Variants in TSHZ3 observed in about 807,000 individuals in gnomAD.
The protein encoded by TSHZ3 is teashirt homolog 3.
In TSHZ3, 10 loss-of-function variants were observed where a neutral mutation model predicts 64.5. The observed-to-expected ratio is 0.16, with a 90% CI of 0.10 to 0.26. TSHZ3 has a LOEUF of 0.26. TSHZ3 is among the 10% of genes least tolerant of loss of function. The probability of loss-of-function intolerance (pLI) is 1.00; values close to 1 mark genes in which losing one functional copy is unlikely to be tolerated. For synonymous variants in TSHZ3, 608 were observed against 593.1 expected, an observed-to-expected ratio of 1.03 and a Z score of -0.36; for missense variants, 1,242 against 1,421.7, an observed-to-expected ratio of 0.87 and a Z score of 2.03.
chr19:31,297,749 G>A (rs143648378), intron 1 of TSHZ3, among the ~76,000 whole-genome samples: 81 of 152,304 alleles, frequency 5.3e-4, no homozygotes, highest in Admixed American at 1.0e-3. Context: ...ATGAGGTGAT[G>A]CACTTGGCCT....
rs746155760 is a variant in TSHZ3 at position 31,279,041 on chromosome 19, G to A, written c.752C>T (p.Pro251Leu). The A allele has an allele frequency of 6.2e-7, 1 of 1,614,092 alleles. No individual in the cohort carries two copies. The highest frequency in any genetic ancestry group is 1.7e-5 in the Admixed American group (1 of 60,012). ...DDNHETDNNN[P>L]KRWSKPRKRS... ...TTTGCGAGGCTTGGACCAGCGCTTG[G>A]GGTTGTTGTTATCGGTCTCATGGTT... Residue 251 changes from proline (P) to leucine (L), a missense_variant, in exon 2 of 2, where the codon CCC (proline) becomes CTC (leucine). Physicochemically the swap from Pro to Leu is moderately conservative, Grantham distance 98 (BLOSUM62 -3). This residue lies in a region of TSHZ3 where 555 missense variants were observed against 704.0 expected (regional missense o/e 0.79). Transcript: ENST00000240587. This position sits in a 1 kb window ranked among gnomAD's most constrained non-coding sequence, Gnocchi z 6.4.
intron 1 of TSHZ3, chr19:31,305,407 G>T (rs923860304): frequency 2.6e-5 from 4 of 152,022 alleles, no homozygotes; most frequent in African/African-American, 9.7e-5. Context: ...CCTTTGAAGG[G>T]ACAGGAAACC....
chr19:31,234,315 T>C (rs996432648), intron 3 of TSHZ3, among the ~76,000 whole-genome samples: 2 of 152,204 alleles, frequency 1.3e-5, no homozygotes, highest in Non-Finnish European at 1.5e-5. Context: ...CATTTGTTAA[T>C]ACATTTTTAT....
intron 4 of TSHZ3, among the ~76,000 whole-genome samples, chr19:31,217,890 A>G (rs1975353578): frequency 6.6e-6 from 1 of 152,168 alleles, no homozygotes; most frequent in Admixed American, 6.5e-5. Flanking sequence ...CCAGAATGTC[A>G]CACAGTTGGA....
intron 3 of TSHZ3, among the ~76,000 whole-genome samples, chr19:31,240,862 G>A (rs112037932): frequency 6.6e-5 from 10 of 151,710 alleles, no homozygotes; most frequent in African/African-American, 9.7e-5. Flanking sequence ...ATTTCCATTC[G>A]GTTGATTTTT....
chr19:31,345,435 G>A (rs1468586727), intron 1 of TSHZ3, among the ~76,000 whole-genome samples: 12 of 152,194 alleles, frequency 7.9e-5, no homozygotes, highest in Admixed American at 7.2e-4. Flanking sequence ...CACCAGGTGG[G>A]CCACCTCTTA....
chr19:31,242,182 T>C (rs1975699715), intron 3 of TSHZ3, among the ~76,000 whole-genome samples: 1 of 152,160 alleles, frequency 6.6e-6, no homozygotes, highest in African/African-American at 2.4e-5. Context: ...ACAGCTTTAG[T>C]ATTAGTCAGG....
intron 1 of TSHZ3, among the ~76,000 whole-genome samples, chr19:31,322,608 C>T (rs1250384138): frequency 6.6e-6 from 1 of 151,650 alleles, no homozygotes; most frequent in Non-Finnish European, 1.5e-5. Context: ...TTTGTAGAGA[C>T]CAGGTCTCAC....
chr19:31,346,102 A>C (rs935893961), intron 1 of TSHZ3, among the ~76,000 whole-genome samples: 2 of 152,230 alleles, frequency 1.3e-5, no homozygotes, highest in African/African-American at 2.4e-5. Flanking sequence ...CCTAAAGTAC[A>C]GAAATATGTA....
At chr19:31,305,657 T>C (rs1916271384) in intron 1 of TSHZ3, 1 of 152,156 alleles carries the variant, frequency 6.6e-6, no homozygotes, top group African/African-American at 2.4e-5. Flanking sequence ...CAGGCAGGCT[T>C]TACCTAGAGC....
At chr19:31,236,554 C>A (rs1267634753) in intron 3 of TSHZ3, among the ~76,000 whole-genome samples, 1 of 152,178 alleles carries the variant, frequency 6.6e-6, no homozygotes, top group Non-Finnish European at 1.5e-5. Flanking sequence ...ATCAGATATA[C>A]AGTTTGCAAA....
chr19:31,171,378 CCCAAAT>C (rs1230588807), intron 5 of TSHZ3, among the ~76,000 whole-genome samples: 34 of 152,128 alleles, frequency 2.2e-4, no homozygotes, highest in African/African-American at 8.2e-4. Flanking sequence ...GGAGATGAGT[CCCAAAT>C]CCATCTTCCC....
intron 5 of TSHZ3, among the ~76,000 whole-genome samples, chr19:31,178,056 T>TC (rs1300713743): frequency 2.0e-5 from 3 of 152,178 alleles, no homozygotes; most frequent in African/African-American, 7.2e-5. Context: ...AATTTCCTCA[T>TC]CATGTCAATC....
Position 31,229,596 on chromosome 19 carries a change from G to A in TSHZ3, n.551-1456C>T, listed in dbSNP as rs117381137. On this transcript the variant is annotated intron_variant and non_coding_transcript_variant, in intron 3 of 6. Transcript: ENST00000651361. ...GTAATGGGAAAATCTTTTAGGTAGTGTATTACCATAAAGTAGAATCTTGAT... is the reference window on the plus strand; with the variant it reads ...GTAATGGGAAAATCTTTTAGGTAGTATATTACCATAAAGTAGAATCTTGAT... 9.2e-5 allele frequency among the ~76,000 whole-genome samples: 14 copies of A among 152,286 alleles called. No individual in the cohort carries two copies. The East Asian group carries it at 2.7e-3, about 29-fold the overall frequency.
At chr19:31,230,845 T>C (rs1196938640) in intron 3 of TSHZ3, among the ~76,000 whole-genome samples, 1 of 151,570 alleles carries the variant, frequency 6.6e-6, no homozygotes, top group African/African-American at 2.4e-5. Flanking sequence ...GTCTACAGGC[T>C]CCTGCCACCA....
intron 5 of TSHZ3, among the ~76,000 whole-genome samples, chr19:31,158,087 A>G (rs1360484499): frequency 6.6e-6 from 1 of 152,218 alleles, no homozygotes; most frequent in African/African-American, 2.4e-5. Flanking sequence ...TATAATTTGG[A>G]ATGCCCTAAT....
intron 3 of TSHZ3, among the ~76,000 whole-genome samples, chr19:31,239,236 A>G (rs1245464852): frequency 2.0e-5 from 3 of 151,896 alleles, no homozygotes; most frequent in Non-Finnish European, 4.4e-5. Flanking sequence ...ACTTATCTAT[A>G]TATGTTAAAG....
At chr19:31,249,899 A>G (rs1315386554) in intron 1 of TSHZ3, among the ~76,000 whole-genome samples, 1 of 152,224 alleles carries the variant, frequency 6.6e-6, no homozygotes, top group East Asian at 1.9e-4. Flanking sequence ...CGTGGTCAAT[A>G]ACTAGCAGCA....
intron 1 of TSHZ3, among the ~76,000 whole-genome samples, chr19:31,289,916 T>A (rs972994916): frequency 6.6e-6 from 1 of 152,334 alleles, no homozygotes; most frequent in East Asian, 1.9e-4. Context: ...TCTGGATGAA[T>A]TGATTCATTT....
Sources: allele counts gnomAD v4.1 joint callset (sites outside exome capture counted in the v4.1 genomes callset), GRCh38; gene constraint gnomAD v4.1.1; regional missense constraint gnomAD v4.1.1; non-coding constraint Gnocchi (gnomAD v3.1); transcripts MANE v1.5; gene names NCBI Gene and HGNC (gene_info 2026-07-23, HGNC 2026-07-21).